The following KDM4C variants were observed in gnomAD, a reference collection of about 807,000 sequenced individuals.
The protein encoded by KDM4C is lysine demethylase 4C, also known as lysine-specific demethylase 4C.
KDM4C carries 81 observed loss-of-function variants against 129.3 expected under a neutral mutation model. That is an observed-to-expected ratio of 0.63 (90% CI 0.52 to 0.75). KDM4C has a LOEUF of 0.75. Ranked by LOEUF, KDM4C falls within the 30% of genes least tolerant of loss-of-function variation. KDM4C has a pLI of 0.00. For synonymous variants in KDM4C, 573 were observed against 456.1 expected, an observed-to-expected ratio of 1.26 and a Z score of -3.26; for missense variants, 1,457 against 1,304.0, an observed-to-expected ratio of 1.12 and a Z score of -1.81.
At chr9:6,921,389 C>T (rs912079886) in intron 8 of KDM4C, among the ~76,000 whole-genome samples, 1 of 152,224 alleles carries the variant, frequency 6.6e-6, no homozygotes, top group Non-Finnish European at 1.5e-5. Flanking sequence ...TGTCAAAAGA[C>T]TTCTCCACCT....
intron 8 of KDM4C, among the ~76,000 whole-genome samples, chr9:6,924,134 A>G (rs548655946): frequency 5.9e-5 from 9 of 152,312 alleles, no homozygotes; most frequent in African/African-American, 1.9e-4. Flanking sequence ...TTTTAAAAAA[A>G]GTTAGCTGTG....
At chr9:7,173,091 G>A (rs77899459) in intron 21 of KDM4C, among the ~76,000 whole-genome samples, 4,261 of 152,322 alleles carry the variant, frequency 0.028, 120 homozygotes, top group East Asian at 0.15. Context: ...GTAAAATTGG[G>A]TACACAGTCC....
intron 19 of KDM4C, among the ~76,000 whole-genome samples, chr9:7,142,731 G>A (rs1841873078): frequency 6.6e-6 from 1 of 152,034 alleles, no homozygotes; most frequent in South Asian, 2.1e-4. Flanking sequence ...GCTGGCTAAA[G>A]TCCCAAGAAA....
intron 3 of KDM4C, among the ~76,000 whole-genome samples, chr9:6,811,882 G>A (rs1189474349): frequency 6.6e-6 from 1 of 152,140 alleles, no homozygotes; most frequent in Non-Finnish European, 1.5e-5. Context: ...GGTTGAATCA[G>A]TATCGGGCAA....
intron 1 of KDM4C, among the ~76,000 whole-genome samples, chr9:6,736,620 C>T (rs1438434426): frequency 6.6e-6 from 1 of 152,012 alleles, no homozygotes; most frequent in African/African-American, 2.4e-5. Context: ...GGTTTGGGAA[C>T]CTCAATTAGG....
chr9:7,057,696 T>C (rs1206043829), intron 17 of KDM4C, among the ~76,000 whole-genome samples: 2 of 152,232 alleles, frequency 1.3e-5, no homozygotes, highest in Non-Finnish European at 2.9e-5. Flanking sequence ...CTGGGCAATT[T>C]GTAAGCAACA....
intron 17 of KDM4C, among the ~76,000 whole-genome samples, chr9:7,073,714 G>A (rs535179067): frequency 1.3e-5 from 2 of 152,296 alleles, no homozygotes; most frequent in East Asian, 3.9e-4. Flanking sequence ...GCAGGTGAAT[G>A]GGAGAAATAT....
At chr9:7,025,844 A>G (rs866950805) in intron 15 of KDM4C, among the ~76,000 whole-genome samples, 1 of 152,260 alleles carries the variant, frequency 6.6e-6, no homozygotes, top group South Asian at 2.1e-4. Context: ...TGTACTTACT[A>G]TTACCAGTGA....
chr9:6,770,638 G>GT (rs1316024746), intron 1 of KDM4C, among the ~76,000 whole-genome samples: 1 of 145,728 alleles, frequency 6.9e-6, no homozygotes, highest in East Asian at 2.0e-4. Context: ...CTCTAAAATA[G>GT]TATTTCTTGC....
intron 1 of KDM4C, among the ~76,000 whole-genome samples, chr9:6,749,895 A>G (rs1451606150): frequency 6.6e-6 from 1 of 150,866 alleles, no homozygotes; most frequent in East Asian, 2.0e-4. Flanking sequence ...CCGAGGCACA[A>G]GAATCACTTG....
intron 1 of KDM4C, among the ~76,000 whole-genome samples, chr9:6,763,825 T>C (rs905211469): frequency 4.6e-5 from 7 of 152,248 alleles, no homozygotes; most frequent in African/African-American, 1.7e-4. Flanking sequence ...TGTAGCGATC[T>C]TGGCTCACCA....
chr9:7,057,891 G>C (rs1165282587), intron 17 of KDM4C, among the ~76,000 whole-genome samples: 1 of 152,202 alleles, frequency 6.6e-6, no homozygotes, highest in Non-Finnish European at 1.5e-5. Flanking sequence ...TACAGCTCTT[G>C]CTTCATTTTG....
chr9:6,891,703 T>TA, intron 7 of KDM4C, among the ~76,000 whole-genome samples: 1 of 152,272 alleles, frequency 6.6e-6, no homozygotes, highest in East Asian at 1.9e-4. Context: ...TAAAATACTT[T>TA]AAAAAACACT....
chr9:6,975,756 T>C (rs971998751), intron 8 of KDM4C, among the ~76,000 whole-genome samples: 2 of 152,130 alleles, frequency 1.3e-5, no homozygotes, highest in African/African-American at 4.8e-5. Context: ...GAATAAGAAA[T>C]TCAGGGCCTG....
At chr9:6,774,890 C>G (rs1360604217) in intron 1 of KDM4C, among the ~76,000 whole-genome samples, 1 of 152,038 alleles carries the variant, frequency 6.6e-6, no homozygotes, top group Non-Finnish European at 1.5e-5. Flanking sequence ...TATGCCCTTG[C>G]TTTAAAAAAA....
At chr9:6,926,078 T>C (rs1262822051) in intron 8 of KDM4C, among the ~76,000 whole-genome samples, 1 of 152,016 alleles carries the variant, frequency 6.6e-6, no homozygotes, top group Non-Finnish European at 1.5e-5. Flanking sequence ...GTTAAGAAAG[T>C]GCTGGCGATG....
chr9:6,733,617 G>T (rs1211450047), intron 1 of KDM4C, among the ~76,000 whole-genome samples: 1 of 152,196 alleles, frequency 6.6e-6, no homozygotes, highest in Non-Finnish European at 1.5e-5. Flanking sequence ...CAGGAAAGGG[G>T]TCCCGATCCA....
intron 15 of KDM4C, among the ~76,000 whole-genome samples, chr9:7,019,743 T>TTTTAG (rs1563993194): frequency 3.2e-5 from 4 of 124,878 alleles, no homozygotes; most frequent in South Asian, 2.2e-4. Context: ...TATAAAAATA[T>TTTTAG]AATATTTTTA....
At chr9:7,061,742 G>C (rs1055327620) in intron 17 of KDM4C, among the ~76,000 whole-genome samples, 1 of 152,196 alleles carries the variant, frequency 6.6e-6, no homozygotes, top group African/African-American at 2.4e-5. Context: ...TAGTGTTCCA[G>C]AGACCCTCTT....
Sources: allele counts gnomAD v4.1 joint callset (sites outside exome capture counted in the v4.1 genomes callset), GRCh38; gene constraint gnomAD v4.1.1; transcripts MANE v1.5; gene names NCBI Gene and HGNC (gene_info 2026-07-23, HGNC 2026-07-21).